The following SRGAP1 variants were observed in gnomAD, a reference collection of about 807,000 sequenced individuals.
The protein encoded by SRGAP1 is SLIT-ROBO Rho GTPase activating protein 1, also known as SLIT-ROBO Rho GTPase-activating protein 1.
SRGAP1 carries 43 observed loss-of-function variants against 121.9 expected under a neutral mutation model. The ratio of observed to expected loss-of-function variants is 0.35; its 90% CI spans 0.28 to 0.46. SRGAP1 has a LOEUF of 0.46. SRGAP1 is among the 20% of genes least tolerant of loss of function. The pLI, the probability that SRGAP1 is intolerant of heterozygous loss-of-function variation, is 1.00. For synonymous variants in SRGAP1, 447 were observed against 485.4 expected (o/e 0.92, Z 1.04); for missense variants, 1,102 against 1,350.9 (o/e 0.82, Z 2.89).
intron 17 of SRGAP1, among the ~76,000 whole-genome samples, chr12:64,114,027 CT>C (rs5798730): frequency 0.56 from 83,924 of 151,012 alleles, 23,631 homozygotes; most frequent in African/African-American, 0.65. Context: ...ACTGAAAGTA[CT>C]TTTTTTTTTA....
intron 1 of SRGAP1, among the ~76,000 whole-genome samples, chr12:63,877,823 G>A (rs1592907418): frequency 6.6e-6 from 1 of 152,274 alleles, no homozygotes; most frequent in East Asian, 1.9e-4. Context: ...CCAGGCCTTA[G>A]TGGCCCCACC....
intron 1 of SRGAP1, among the ~76,000 whole-genome samples, chr12:63,982,221 C>G (rs1375504854): frequency 6.8e-6 from 1 of 146,554 alleles, no homozygotes; most frequent in Non-Finnish European, 1.5e-5. Context: ...AAAACAAAAA[C>G]AAAAACAAAA....
intron 4 of SRGAP1, among the ~76,000 whole-genome samples, chr12:64,031,474 C>T (rs1565648371): frequency 2.0e-5 from 3 of 151,980 alleles, no homozygotes; most frequent in Admixed American, 6.6e-5. Flanking sequence ...GAGTTAGAAA[C>T]GATCCAAGAG....
chr12:63,849,984 G>A (rs993465027), intron 1 of SRGAP1, among the ~76,000 whole-genome samples: 12 of 152,110 alleles, frequency 7.9e-5, no homozygotes, highest in African/African-American at 1.9e-4. Context: ...GGAAACCGTC[G>A]TCTGTGAACA....
chr12:64,144,399 C>T lies in SRGAP1; in HGVS notation c.*1727C>T, dbSNP rs935388469. On this transcript the variant is annotated 3_prime_UTR_variant, in exon 22 of 22. Coordinates refer to ENST00000355086, the MANE Select transcript of SRGAP1 (RefSeq NM_020762.4). The stretch of plus-strand genomic sequence containing the variant: ...TTCATCAGCCCATTGGTGAATGCAT[C>T]GTGCAGAAAAGAACTGGGATCTGTA... 2 of 152,128 alleles carry T rather than the reference C, an allele frequency of 1.3e-5. No homozygotes were observed. Among genetic ancestry groups the T allele is most frequent in the Non-Finnish European group, 1.5e-5 (1 of 68,032 alleles). 9.4% of individuals were successfully genotyped at this position (152,128 alleles called of 1,614,324 possible).
intron 1 of SRGAP1, among the ~76,000 whole-genome samples, chr12:63,898,270 T>C (rs936795241): frequency 2.0e-5 from 3 of 152,322 alleles, no homozygotes; most frequent in Non-Finnish European, 4.4e-5. Context: ...TGGAGACCAA[T>C]ATGGCTGAGA....
intron 15 of SRGAP1, among the ~76,000 whole-genome samples, chr12:64,106,833 T>C (rs115669639): frequency 6.6e-6 from 1 of 152,350 alleles, no homozygotes; most frequent in African/African-American, 2.4e-5. Flanking sequence ...CATAGCGTTA[T>C]ATTTTCTCCA....
chr12:64,134,632 T>G (rs2036832875), intron 21 of SRGAP1, among the ~76,000 whole-genome samples: 1 of 152,074 alleles, frequency 6.6e-6, no homozygotes, highest in South Asian at 2.1e-4. Flanking sequence ...TGGGCCATCT[T>G]TCAATCCATA....
intron 1 of SRGAP1, among the ~76,000 whole-genome samples, 180 bp downstream of exon 1, chr12:63,845,063 C>G (rs1315832709): frequency 1.3e-5 from 2 of 152,104 alleles, no homozygotes; most frequent in Non-Finnish European, 2.9e-5. Context: ...ATCCCAGTCC[C>G]GTCAAACCCA....
chr12:63,854,317 T>C (rs1216317663), intron 1 of SRGAP1, among the ~76,000 whole-genome samples: 1 of 152,222 alleles, frequency 6.6e-6, no homozygotes, highest in African/African-American at 2.4e-5. Flanking sequence ...ATTTGAACAC[T>C]TTCTGAATTT....
chr12:64,135,112 C>T (rs894855470), intron 21 of SRGAP1, among the ~76,000 whole-genome samples: 1 of 152,116 alleles, frequency 6.6e-6, no homozygotes, highest in Non-Finnish European at 1.5e-5. Flanking sequence ...GGGATGTTGC[C>T]GCTACTGGGG....
At chr12:63,850,809 ATTGT>A (rs1007522501) in intron 1 of SRGAP1, among the ~76,000 whole-genome samples, 2 of 152,148 alleles carry the variant, frequency 1.3e-5, no homozygotes, top group Non-Finnish European at 2.9e-5. Context: ...AAGGGAATAA[ATTGT>A]TTGTCTAATT....
At chr12:63,971,529 G>A (rs2032947559) in intron 1 of SRGAP1, among the ~76,000 whole-genome samples, 1 of 152,106 alleles carries the variant, frequency 6.6e-6, no homozygotes, top group Admixed American at 6.5e-5. Flanking sequence ...TGTTTGTGCA[G>A]GACTAGAAGT....
chr12:63,881,343 C>T lies in SRGAP1; in HGVS notation c.67+36460C>T, dbSNP rs117482260. On this transcript the variant is annotated intron_variant, in intron 1 of 21. Transcript: ENST00000355086. ...GCAAAGGCTATCAGAATTTCACCTGCGTAATAACAGTCATTTGCAAGGAAA... is the reference window on the plus strand; with the variant it reads ...GCAAAGGCTATCAGAATTTCACCTGTGTAATAACAGTCATTTGCAAGGAAA... Among the ~76,000 whole-genome samples, 713 of 152,218 alleles carry T rather than the reference C, an allele frequency of 4.7e-3. 3 individuals are homozygous for T. Among genetic ancestry groups the T allele is most frequent in the Non-Finnish European group, 7.1e-3 (485 of 68,006 alleles).
At chr12:63,924,357 C>T (rs932480110) in intron 1 of SRGAP1, among the ~76,000 whole-genome samples, 12 of 152,064 alleles carry the variant, frequency 7.9e-5, no homozygotes, top group Non-Finnish European at 1.6e-4. Flanking sequence ...ACCTCTCATC[C>T]CAACCTAATA....
intron 14 of SRGAP1, 114 bp downstream of exon 14, chr12:64,095,318 C>T (rs914734431): frequency 2.0e-5 from 16 of 811,952 alleles, no homozygotes; most frequent in Middle Eastern, 3.7e-4. Flanking sequence ...GTATGTACTG[C>T]ATTAGGGGTG....
At position 64,150,755 on chromosome 12, in the gene SRGAP1, A is replaced by G. The variant is rs904949494; in HGVS notation, c.*8083A>G. On this transcript the variant is annotated 3_prime_UTR_variant, in exon 22 of 22. Transcript: ENST00000355086. ...TTTTTATATTTTTTTGTGAGATCCC[A>G]TCTCTACCAAAAAAAAAAAAAATAC... is the stretch of plus-strand genomic sequence containing the variant. The G allele has an allele frequency of 4.3e-5, 2 of 47,006 alleles. No homozygotes were observed. The highest frequency in any genetic ancestry group is 1.1e-4 in the African/African-American group (2 of 19,046). The allele number at this position is 47,006 out of a possible 1,614,324, so 2.9% of individuals were successfully genotyped here. A position where few individuals can be genotyped will look rare whatever the true frequency, so the allele number is the denominator to read the frequency against.
intron 1 of SRGAP1, among the ~76,000 whole-genome samples, chr12:63,873,820 T>C (rs1363420077): frequency 6.6e-6 from 1 of 150,928 alleles, no homozygotes. Context: ...AGGTGCCTGC[T>C]ATCTTCAAGA....
chr12:64,100,649 A>G (rs1352416878), intron 15 of SRGAP1, among the ~76,000 whole-genome samples: 4 of 152,202 alleles, frequency 2.6e-5, no homozygotes, highest in African/African-American at 9.6e-5. Flanking sequence ...CTTTTAGTGC[A>G]AAGTTTTACA....
Sources: gnomAD v4.1 joint callset for allele counts (sites outside exome capture counted in the v4.1 genomes callset) on GRCh38, gnomAD v4.1.1 for gene constraint, MANE v1.5 for transcripts, NCBI Gene and HGNC (gene_info 2026-07-23, HGNC 2026-07-21) for gene names.